FAS: variants seen among roughly 807,000 people sequenced by gnomAD.
The protein encoded by FAS is tumor necrosis factor receptor superfamily member 6.
FAS carries 5 observed loss-of-function variants against 33.2 expected under a neutral mutation model. That is an observed-to-expected ratio of 0.15 (90% CI 0.08 to 0.32). The LOEUF is 0.32. Ranked by LOEUF, FAS falls within the 10% of genes least tolerant of loss-of-function variation. The probability of loss-of-function intolerance (pLI) is 1.00; values close to 1 mark genes in which losing one functional copy is unlikely to be tolerated. For synonymous variants in FAS, 131 were observed against 130.7 expected, an observed-to-expected ratio of 1.00 and a Z score of -0.01; for missense variants, 339 against 386.0, an observed-to-expected ratio of 0.88 and a Z score of 1.02.
chr10:88,984,220 T>A (rs2133357552), upstream of FAS, among the ~76,000 whole-genome samples: 1 of 152,322 alleles, frequency 6.6e-6, no homozygotes, highest in South Asian at 2.1e-4. Flanking sequence ...TGATATGTAA[T>A]AAATTGCCTT....
chr10:88,966,164 T>C (rs1367228653), intron 1 of FAS, among the ~76,000 whole-genome samples: 2 of 152,132 alleles, frequency 1.3e-5, no homozygotes, highest in Admixed American at 6.5e-5. Context: ...ACAGAAGCAC[T>C]TGGACAGAGG....
chr10:89,011,455 G>A (rs1196271886), intron 6 of FAS, among the ~76,000 whole-genome samples: 1 of 152,174 alleles, frequency 6.6e-6, no homozygotes, highest in Non-Finnish European at 1.5e-5. Context: ...CTTCAGTTCA[G>A]TTGAAGAAGA....
At chr10:88,973,138 C>T (rs770927434) in intron 1 of FAS, 5 of 1,538,286 alleles carry the variant, frequency 3.3e-6, no homozygotes, top group South Asian at 1.3e-5. Flanking sequence ...CTGGGCCTTG[C>T]CTCCCAATCC....
intron 1 of FAS, among the ~76,000 whole-genome samples, chr10:88,970,773 A>T (rs976728597): frequency 2.0e-5 from 3 of 152,152 alleles, no homozygotes; most frequent in Admixed American, 1.3e-4. Context: ...AATGTAAATG[A>T]CAAGTTAATG....
intron 1 of FAS, among the ~76,000 whole-genome samples, chr10:88,972,695 C>A (rs1237679986): frequency 6.6e-6 from 1 of 152,186 alleles, no homozygotes; most frequent in Non-Finnish European, 1.5e-5. Flanking sequence ...TGTAACCTTA[C>A]AAATGTATAA....
upstream of FAS, among the ~76,000 whole-genome samples, chr10:88,988,409 T>C (rs980326264): frequency 1.1e-4 from 14 of 123,684 alleles, no homozygotes; most frequent in Non-Finnish European, 2.3e-4. Context: ...GGTAAAAAGA[T>C]GTAGAAGTTT....
At chr10:88,967,596 C>A (rs1846342559) in intron 1 of FAS, among the ~76,000 whole-genome samples, 1 of 152,180 alleles carries the variant, frequency 6.6e-6, no homozygotes, top group Non-Finnish European at 1.5e-5. Flanking sequence ...AGCTTGGCAA[C>A]CTTCAAACAC....
At chr10:88,996,756 A>T (rs1847619260) in intron 1 of FAS, among the ~76,000 whole-genome samples, 1 of 152,142 alleles carries the variant, frequency 6.6e-6, no homozygotes, top group Admixed American at 6.5e-5. Flanking sequence ...AATATATATA[A>T]TTTTTTTATT....
intron 2 of FAS, among the ~76,000 whole-genome samples, chr10:88,981,038 G>A (rs561969211): frequency 5.3e-5 from 8 of 152,286 alleles, no homozygotes; most frequent in African/African-American, 1.9e-4. Flanking sequence ...ATGTTTGAAT[G>A]ACAGAGTAGG....
At chr10:88,998,894 G>A (rs1847758920) in intron 1 of FAS, among the ~76,000 whole-genome samples, 1 of 152,152 alleles carries the variant, frequency 6.6e-6, no homozygotes, top group Admixed American at 6.5e-5. Flanking sequence ...GGTGGCTCAC[G>A]CCTGTAATCC....
At chr10:89,009,604 C>T (rs1485514297) in intron 4 of FAS, among the ~76,000 whole-genome samples, 4 of 152,118 alleles carry the variant, frequency 2.6e-5, no homozygotes, top group South Asian at 4.1e-4. Context: ...GGTTTTGACC[C>T]AAAGTTAGAG....
chr10:89,015,585 T>C lies in FAS; in HGVS notation c.*1135T>C, dbSNP rs1487247929. The C allele has an allele frequency of 1.9e-6, 1 of 513,770 alleles. No homozygotes were observed. The highest frequency in any genetic ancestry group is 1.7e-5 in the South Asian group (1 of 59,272). 31.8% of individuals were successfully genotyped at this position (513,770 alleles called of 1,614,324 possible). On this transcript the variant is annotated 3_prime_UTR_variant, in exon 9 of 9. Transcript: ENST00000652046. ...CTTACTACTATCCTACGTTTAAATA[T>C]CTTTGAAAGTTTGTATTAAATGTGA...
At chr10:88,984,487 C>G (rs1438112860), upstream of FAS, among the ~76,000 whole-genome samples, 1 of 152,166 alleles carries the variant, frequency 6.6e-6, no homozygotes, top group African/African-American at 2.4e-5. Context: ...GACACTAGCA[C>G]CAAATGTGAT....
upstream of FAS, among the ~76,000 whole-genome samples, chr10:88,987,910 T>G (rs868719995): frequency 6.6e-6 from 1 of 152,058 alleles, no homozygotes; most frequent in Non-Finnish European, 1.5e-5. Context: ...TTCTATAATG[T>G]CAATAGGCCT....
At chr10:88,983,632 A>T (rs796251787), upstream of FAS, among the ~76,000 whole-genome samples, 103 of 142,862 alleles carry the variant, frequency 7.2e-4, 1 homozygote, top group African/African-American at 2.7e-3. Flanking sequence ...AAAAAAAAAA[A>T]AAAAAAACAC....
intron 2 of FAS, among the ~76,000 whole-genome samples, chr10:88,977,129 T>C (rs952289645): frequency 2.0e-4 from 30 of 152,254 alleles, no homozygotes; most frequent in African/African-American, 7.0e-4. Flanking sequence ...TTCACTCTGA[T>C]GGTAGTTTCT....
At chr10:88,999,595 A>G (rs1847814781) in intron 1 of FAS, among the ~76,000 whole-genome samples, 1 of 152,230 alleles carries the variant, frequency 6.6e-6, no homozygotes, top group South Asian at 2.1e-4. Context: ...AGCAGTCTCT[A>G]TGGGTGCCTA....
chr10:88,983,862 A>G (rs113949217), upstream of FAS, among the ~76,000 whole-genome samples: 34 of 152,322 alleles, frequency 2.2e-4, no homozygotes, highest in African/African-American at 7.7e-4. Context: ...AGCCAGGTGG[A>G]GGAATGCCTG....
rs9658777 is a variant in FAS, at chr10:89,015,576, G to T, written c.*1126G>T. On this transcript the variant is annotated 3_prime_UTR_variant, in exon 9 of 9. Transcript: ENST00000652046. Reference sequence around the variant, plus strand: ...AAGATTCTCCTTACTACTATCCTACGTTTAAATATCTTTGAAAGTTTGTAT... The same window carrying T: ...AAGATTCTCCTTACTACTATCCTACTTTTAAATATCTTTGAAAGTTTGTAT... The T allele has an allele frequency of 1.9e-6, 1 of 518,186 alleles. No individual in the cohort carries two copies. Among genetic ancestry groups the T allele is most frequent in the East Asian group, 3.9e-5 (1 of 25,446 alleles). The allele number at this position is 518,186 out of a possible 1,614,324, so 32.1% of individuals were successfully genotyped here. A position where few individuals can be genotyped will look rare whatever the true frequency, so the allele number is the denominator to read the frequency against.
Sources: allele counts gnomAD v4.1 joint callset (sites outside exome capture counted in the v4.1 genomes callset), GRCh38; gene constraint gnomAD v4.1.1; transcripts MANE v1.5; gene names NCBI Gene and HGNC (gene_info 2026-07-23, HGNC 2026-07-21).